Variants in NTM observed in about 807,000 individuals in gnomAD.
NTM encodes IgLON family member 2.
A neutral mutation model predicts 42.1 loss-of-function variants in NTM; 13 were observed. That is an observed-to-expected ratio of 0.31 (90% confidence interval 0.20 to 0.49). The LOEUF (loss-of-function observed/expected upper bound fraction) is 0.49. NTM is among the 20% of genes least tolerant of loss of function. The probability of loss-of-function intolerance (pLI) is 0.99; values close to 1 mark genes in which losing one functional copy is unlikely to be tolerated. For missense variants in NTM, 373 were observed against 452.8 expected (o/e 0.82, Z 1.60); for synonymous variants, 187 against 179.2 (o/e 1.04, Z -0.35).
chr11:132,088,863 A>G (rs937024876), intron 2 of NTM, among the ~76,000 whole-genome samples: 5 of 152,080 alleles, frequency 3.3e-5, no homozygotes, highest in Admixed American at 1.3e-4. Flanking sequence ...CTGTCAATGC[A>G]GTCTTTTTTG....
chr11:132,123,137 A>G (rs1464999128), intron 2 of NTM, among the ~76,000 whole-genome samples: 1 of 152,066 alleles, frequency 6.6e-6, no homozygotes, highest in African/African-American at 2.4e-5. Flanking sequence ...ATCTGCAATG[A>G]GGCTGCTCAA....
intron 2 of NTM, among the ~76,000 whole-genome samples, chr11:132,023,126 G>T (rs1468476294): frequency 6.6e-6 from 1 of 152,154 alleles, no homozygotes; most frequent in African/African-American, 2.4e-5. Context: ...GCTTTGCAGC[G>T]TGGGGAAGAC....
intron 4 of NTM, among the ~76,000 whole-genome samples, chr11:132,240,043 GTCCATCCC>G (rs543656249): frequency 2.8e-4 from 41 of 143,952 alleles, no homozygotes; most frequent in Middle Eastern, 7.3e-3. Context: ...TCCATCATCC[GTCCATCCC>G]TCCATCCCTC....
chr11:131,878,381 G>A (rs1592482561), intron 1 of NTM, among the ~76,000 whole-genome samples: 3 of 151,322 alleles, frequency 2.0e-5, no homozygotes, highest in Admixed American at 1.3e-4. Flanking sequence ...GACCAGCCTG[G>A]CCAACATGGT....
intron 1 of NTM, among the ~76,000 whole-genome samples, chr11:131,653,280 G>A (rs1376754789): frequency 1.7e-5 from 1 of 58,890 alleles, no homozygotes; most frequent in African/African-American, 3.9e-5. Context: ...TCCACCTGCT[G>A]TCTCTCTTAG....
chr11:132,298,818 CAAATGA>C (rs1406821133), intron 4 of NTM, among the ~76,000 whole-genome samples: 1 of 152,084 alleles, frequency 6.6e-6, no homozygotes, highest in Non-Finnish European at 1.5e-5. Context: ...TTCCAACTAT[CAAATGA>C]GTTCTTAATA....
At chr11:131,997,122 T>C (rs2068203062) in intron 2 of NTM, among the ~76,000 whole-genome samples, 1 of 152,204 alleles carries the variant, frequency 6.6e-6, no homozygotes, top group African/African-American at 2.4e-5. Context: ...CTGTTACCTC[T>C]GTTTCTTTGA....
chr11:131,640,227 C>T (rs1040556384), intron 1 of NTM, among the ~76,000 whole-genome samples: 1 of 152,048 alleles, frequency 6.6e-6, no homozygotes, highest in South Asian at 2.1e-4. Flanking sequence ...GAGACCAAAC[C>T]GGAGGAAACA....
intron 1 of NTM, among the ~76,000 whole-genome samples, chr11:131,732,869 A>G (rs534183874): frequency 2.0e-5 from 3 of 152,290 alleles, no homozygotes; most frequent in South Asian, 4.1e-4. Context: ...TCCCAATGAT[A>G]TCTTTCAGTA....
chr11:132,011,840 G>A (rs1370115120), intron 2 of NTM, among the ~76,000 whole-genome samples: 1 of 152,092 alleles, frequency 6.6e-6, no homozygotes, highest in Non-Finnish European at 1.5e-5. Flanking sequence ...TCATTCCTAA[G>A]CTTGTAATAC....
chr11:132,226,495 G>C (rs1592350760), intron 4 of NTM, among the ~76,000 whole-genome samples: 1 of 152,152 alleles, frequency 6.6e-6, no homozygotes, highest in Admixed American at 6.5e-5. Context: ...TTTATTGGCT[G>C]TATAAATGTC....
intron 1 of NTM, among the ~76,000 whole-genome samples, chr11:131,379,249 T>A (rs1026114580): frequency 6.6e-6 from 1 of 152,176 alleles, no homozygotes; most frequent in Admixed American, 6.5e-5. Context: ...GCTGCAGTGG[T>A]CCTCCAGCCT....
chr11:131,810,189 GTCC>G (rs1358160646), intron 1 of NTM, among the ~76,000 whole-genome samples: 2 of 151,926 alleles, frequency 1.3e-5, no homozygotes, highest in African/African-American at 4.8e-5. Context: ...TAAGGCTTCT[GTCC>G]TCCTACCTTT....
In NTM at chr11:131,915,052, C is replaced by T. The variant is rs542135902; in HGVS notation, c.167+3404C>T. Among the ~76,000 whole-genome samples, 4 of 152,302 alleles carry T rather than the reference C, an allele frequency of 2.6e-5. No homozygotes were observed. In the East Asian group the frequency reaches 5.8e-4, roughly 22 times the overall value. ...TGGTAACAATCACGTTAATAAGATA[C>T]ATAGTACTATCATTGGTCTGTTACT... On this transcript the variant is annotated intron_variant, in intron 2 of 8. Transcript: ENST00000683400.
chr11:131,905,450 G>T (rs1306951560), intron 1 of NTM, among the ~76,000 whole-genome samples: 1 of 152,150 alleles, frequency 6.6e-6, no homozygotes, highest in African/African-American at 2.4e-5. Context: ...TTCTGCTCAT[G>T]CTCCTTTCCG....
intron 2 of NTM, among the ~76,000 whole-genome samples, chr11:132,089,331 A>G (rs7124097): frequency 0.02 from 3,080 of 152,244 alleles, 105 homozygotes; most frequent in African/African-American, 0.068. Context: ...CCTTGTTTCA[A>G]TTCTTCAAAA....
intron 1 of NTM, among the ~76,000 whole-genome samples, chr11:131,419,519 G>T (rs1947290079): frequency 6.6e-6 from 1 of 152,112 alleles, no homozygotes; most frequent in Admixed American, 6.5e-5. Flanking sequence ...AGCATTTCAG[G>T]CAGAGGGAGC....
intron 1 of NTM, among the ~76,000 whole-genome samples, chr11:131,569,323 T>G (rs139248488): frequency 3.6e-4 from 54 of 151,936 alleles, no homozygotes; most frequent in African/African-American, 1.3e-3. Context: ...TTTTGTATGT[T>G]TTAGTAGAGA....
intron 8 of NTM, 38 bp from the exon 9 acceptor site, chr11:132,335,008 C>G (rs371171195): frequency 8.7e-6 from 14 of 1,600,598 alleles, no homozygotes; most frequent in Non-Finnish European, 1.1e-5. Context: ...CTTCCATTTT[C>G]TCCCAGACCA....
Sources: gnomAD v4.1 joint callset for allele counts (sites outside exome capture counted in the v4.1 genomes callset) on GRCh38, gnomAD v4.1.1 for gene constraint, MANE v1.5 for transcripts, NCBI Gene and HGNC (gene_info 2026-07-23, HGNC 2026-07-21) for gene names.